Variants in UMAD1 observed in about 807,000 individuals in gnomAD.
UMAD1 encodes UBAP1-MVB12-associated (UMA)-domain containing protein 1.
UMAD1 carries 8 observed loss-of-function variants against 6.1 expected under a neutral mutation model. The ratio of observed to expected loss-of-function variants is 1.30; its 90% CI spans 0.76 to 2.35. The LOEUF (loss-of-function observed/expected upper bound fraction) is 2.35. Ranked by LOEUF, UMAD1 falls within the 30% of genes most tolerant of loss-of-function variation. The pLI is 0.00. For missense variants in UMAD1, 130 were observed against 78.4 expected (o/e 1.66, Z -2.49); for synonymous variants, 56 against 31.4 (o/e 1.78, Z -2.61).
chr7:7,736,297 A>G (rs1194887060), intron 2 of UMAD1: 1 of 152,576 alleles, frequency 6.6e-6, no homozygotes. Context: ...TTGCAGCTCT[A>G]TTTTGAAATT....
In UMAD1 at chr7:7,727,640, G is replaced by T. The variant is rs1163104947; in HGVS notation, c.82+54187G>T. On this transcript the variant is annotated intron_variant, in intron 2 of 3. Coordinates refer to ENST00000682710, the MANE Select transcript of UMAD1 (RefSeq NM_001302348.2). Reference sequence around the variant, plus strand: ...AGGCAGACCCACCCTTAATCTGGGTGAACACCCTCTAATCAACTGTTTGCT... The same window carrying T: ...AGGCAGACCCACCCTTAATCTGGGTTAACACCCTCTAATCAACTGTTTGCT... Among the ~76,000 whole-genome samples the T allele has an allele frequency of 2.6e-5, 4 of 152,120 alleles. No individual in the cohort carries two copies. In the East Asian group the frequency reaches 7.7e-4, roughly 29 times the overall value.
chr7:7,843,132 TC>T (rs1367399674), intron 3 of UMAD1, among the ~76,000 whole-genome samples: 7 of 152,224 alleles, frequency 4.6e-5, no homozygotes, highest in Admixed American at 2.0e-4. Context: ...GTAAAGTCTC[TC>T]TGCCACTTTA....
intron 3 of UMAD1, among the ~76,000 whole-genome samples, chr7:7,818,560 G>C (rs1783177033): frequency 6.6e-6 from 1 of 152,196 alleles, no homozygotes; most frequent in African/African-American, 2.4e-5. Flanking sequence ...CTTATATACT[G>C]TTGGTGGGAG....
intron 3 of UMAD1, among the ~76,000 whole-genome samples, chr7:7,875,160 G>A (rs546636864): frequency 1.2e-4 from 18 of 152,200 alleles, no homozygotes; most frequent in African/African-American, 1.2e-4. Flanking sequence ...AAGACACAAC[G>A]TACCAGAATC....
In UMAD1 at chr7:7,657,811, A is replaced by G. The variant is rs536540731; in HGVS notation, c.-63-15498A>G. ...GCTATGTGGGCTCTATTTTGGTTCT[A>G]TGTGAAATTTAAAGTAGTTTTTTCT... On this transcript the variant is annotated intron_variant, in intron 1 of 3. Coordinates refer to ENST00000682710, the MANE Select transcript of UMAD1 (RefSeq NM_001302348.2). 5.3e-5 allele frequency among the ~76,000 whole-genome samples: 8 copies of G among 152,256 alleles called. No homozygotes were observed. In the East Asian group the frequency reaches 5.8e-4, roughly 11 times the overall value.
chr7:7,794,712 A>G (rs6953333), intron 2 of UMAD1, among the ~76,000 whole-genome samples: 22,414 of 152,110 alleles, frequency 0.15, 1,751 homozygotes, highest in Middle Eastern at 0.22. Context: ...AAAATATTTT[A>G]CCCTAGAATA....
chr7:7,750,893 G>A (rs1225568444), intron 2 of UMAD1, among the ~76,000 whole-genome samples: 1 of 152,138 alleles, frequency 6.6e-6, no homozygotes, highest in Admixed American at 6.5e-5. Flanking sequence ...AAGTAGGAAA[G>A]GGTAAATAGA....
intron 2 of UMAD1, among the ~76,000 whole-genome samples, chr7:7,674,021 C>T (rs1328010231): frequency 6.6e-6 from 1 of 152,140 alleles, no homozygotes; most frequent in African/African-American, 2.4e-5. Flanking sequence ...GTAAAATTTC[C>T]TCCATGTCAT....
chr7:7,812,459 C>T (rs1783038707), intron 3 of UMAD1, among the ~76,000 whole-genome samples: 1 of 152,098 alleles, frequency 6.6e-6, no homozygotes. Flanking sequence ...ACTTTAAGTG[C>T]CCAACACATC....
intron 3 of UMAD1, among the ~76,000 whole-genome samples, chr7:7,820,845 T>C (rs1236536220): frequency 2.0e-5 from 3 of 152,232 alleles, no homozygotes; most frequent in Admixed American, 2.0e-4. Context: ...TTTATTCAAA[T>C]ATTTAGCAAA....
chr7:7,843,057 A>G (rs1291970641), intron 3 of UMAD1, among the ~76,000 whole-genome samples: 1 of 152,226 alleles, frequency 6.6e-6, no homozygotes, highest in Non-Finnish European at 1.5e-5. Flanking sequence ...AGCCCTTCAA[A>G]GAGAGATTTT....
rs755895209 is a variant in UMAD1, at chr7:7,878,292, A to T, written c.*754A>T. ...GGTTGCCATTTGCTCTCCTTACCAC[A>T]TATGTTCCCAGTTTATGAAGAGATC... On this transcript the variant is annotated 3_prime_UTR_variant, in exon 4 of 4. Transcript: ENST00000682710. 1 of 152,116 alleles carries T rather than the reference A, an allele frequency of 6.6e-6. No homozygotes were observed. Among genetic ancestry groups the T allele is most frequent in the African/African-American group, 2.4e-5 (1 of 41,382 alleles). The allele number at this position is 152,116 out of a possible 1,614,324, so 9.4% of individuals were successfully genotyped here.
intron 2 of UMAD1, among the ~76,000 whole-genome samples, chr7:7,795,531 G>A (rs2115268044): frequency 6.6e-6 from 1 of 152,340 alleles, no homozygotes; most frequent in East Asian, 1.9e-4. Flanking sequence ...TATTAAGCAA[G>A]TAAAGGAGTA....
chr7:7,765,126 C>T (rs1308498296), intron 2 of UMAD1, among the ~76,000 whole-genome samples: 1 of 151,822 alleles, frequency 6.6e-6, no homozygotes, highest in East Asian at 1.9e-4. Flanking sequence ...AAATATATAG[C>T]TTTCTACTTA....
chr7:7,772,715 A>G (rs1487290785), intron 2 of UMAD1, among the ~76,000 whole-genome samples: 2 of 152,180 alleles, frequency 1.3e-5, no homozygotes, highest in East Asian at 3.8e-4. Flanking sequence ...GCCTCGTGAA[A>G]TGGAGCAGCT....
At chr7:7,788,003 A>AT (rs1782491730) in intron 2 of UMAD1, among the ~76,000 whole-genome samples, 1 of 152,200 alleles carries the variant, frequency 6.6e-6, no homozygotes, top group Non-Finnish European at 1.5e-5. Context: ...TCTCTTGATC[A>AT]TACCATGTTT....
intron 3 of UMAD1, among the ~76,000 whole-genome samples, chr7:7,839,284 T>C (rs1783630204): frequency 6.6e-6 from 1 of 152,164 alleles, no homozygotes; most frequent in Non-Finnish European, 1.5e-5. Flanking sequence ...TAATCATGGC[T>C]CACTGCTGCC....
At chr7:7,718,290 A>G (rs887344324) in intron 2 of UMAD1, among the ~76,000 whole-genome samples, 3 of 152,188 alleles carry the variant, frequency 2.0e-5, no homozygotes, top group African/African-American at 7.2e-5. Context: ...TAACCATAAA[A>G]CTATTTTGAT....
At chr7:7,812,617 G>T (rs1363545829) in intron 3 of UMAD1, among the ~76,000 whole-genome samples, 1 of 151,922 alleles carries the variant, frequency 6.6e-6, no homozygotes, top group Non-Finnish European at 1.5e-5. Context: ...ATCAAATCTA[G>T]TTTTATGTCT....
Sources: allele counts gnomAD v4.1 joint callset (sites outside exome capture counted in the v4.1 genomes callset), GRCh38; gene constraint gnomAD v4.1.1; transcripts MANE v1.5; gene names NCBI Gene and HGNC (gene_info 2026-07-23, HGNC 2026-07-21).